The following GUCY1A2 variants were observed in gnomAD, a reference collection of about 807,000 sequenced individuals.
GUCY1A2 encodes guanylate cyclase soluble subunit alpha-2.
A neutral mutation model predicts 63.5 loss-of-function variants in GUCY1A2; 27 were observed. The ratio of observed to expected loss-of-function variants is 0.43; its 90% CI spans 0.31 to 0.59. The LOEUF is 0.59. Ranked by LOEUF, GUCY1A2 falls within the 20% of genes least tolerant of loss-of-function variation. The pLI is 0.11. For synonymous variants in GUCY1A2, 364 were observed against 343.5 expected (o/e 1.06, Z -0.66); for missense variants, 768 against 913.3 (o/e 0.84, Z 2.05).
chr11:106,714,040 ACTC>A (rs1863174232), intron 6 of GUCY1A2, among the ~76,000 whole-genome samples: 1 of 151,374 alleles, frequency 6.6e-6, no homozygotes, highest in African/African-American at 2.4e-5. Flanking sequence ...AAAAAAACAA[ACTC>A]CATACTCCAT....
intron 4 of GUCY1A2, chr11:106,827,251 G>C: frequency 6.5e-7 from 1 of 1,549,334 alleles, no homozygotes; most frequent in Non-Finnish European, 8.9e-7. Flanking sequence ...CCTTCCTTCA[G>C]TTGTATATCT....
chr11:106,894,988 A>G (rs920447855), intron 4 of GUCY1A2, among the ~76,000 whole-genome samples: 10 of 152,214 alleles, frequency 6.6e-5, no homozygotes, highest in African/African-American at 2.4e-4. Flanking sequence ...AAAGGTTAAT[A>G]AAACTAATAA....
At chr11:106,921,780 C>T (rs937635958) in intron 4 of GUCY1A2, among the ~76,000 whole-genome samples, 1 of 152,094 alleles carries the variant, frequency 6.6e-6, no homozygotes, top group Non-Finnish European at 1.5e-5. Context: ...CAAACAAACC[C>T]CTTCCATTTT....
At chr11:107,017,720 C>A (rs769934283) in intron 1 of GUCY1A2, 33 bp downstream of exon 1, 5 of 1,277,132 alleles carry the variant, frequency 3.9e-6, no homozygotes, top group South Asian at 1.8e-5. Flanking sequence ...TTCTCTCCCC[C>A]GAAGGCGGTC....
rs1858648910 is a variant in GUCY1A2 at position 106,804,220 on chromosome 11, T to A, written c.1692+5773A>T. On this transcript the variant is annotated intron_variant, in intron 5 of 7. Coordinates refer to ENST00000526355, the MANE Select transcript of GUCY1A2 (RefSeq NM_000855.3). ...CTTATTTCCTAATTAGAAAACATTG[T>A]TGCTTTGTTTCCAACAAAATATCAG... Among the ~76,000 whole-genome samples, 7 of 152,218 alleles carry A rather than the reference T, an allele frequency of 4.6e-5. No individual in the cohort carries two copies. In the South Asian group the frequency reaches 1.4e-3, roughly 31 times the overall value.
intron 4 of GUCY1A2, among the ~76,000 whole-genome samples, chr11:106,843,118 T>G (rs1859223348): frequency 6.6e-6 from 1 of 151,998 alleles, no homozygotes. Context: ...AAAATTCCCA[T>G]AAGGCTCTGC....
At chr11:106,780,570 A>G (rs1053643522) in intron 5 of GUCY1A2, among the ~76,000 whole-genome samples, 7 of 152,132 alleles carry the variant, frequency 4.6e-5, no homozygotes, top group Admixed American at 1.3e-4. Flanking sequence ...TTCTGACCCA[A>G]TTGTACAGGA....
intron 5 of GUCY1A2, among the ~76,000 whole-genome samples, chr11:106,809,760 G>T (rs1258343818): frequency 1.3e-5 from 2 of 151,534 alleles, no homozygotes; most frequent in Non-Finnish European, 2.9e-5. Flanking sequence ...TAGCTATATA[G>T]AATTTTTCCT....
intron 4 of GUCY1A2, among the ~76,000 whole-genome samples, chr11:106,883,150 T>C (rs1288418140): frequency 6.6e-6 from 1 of 152,030 alleles, no homozygotes; most frequent in Non-Finnish European, 1.5e-5. Context: ...CCACTTAAAT[T>C]CATTCTTTCC....
At chr11:106,709,333 AAT>A (rs77239725) in intron 6 of GUCY1A2, among the ~76,000 whole-genome samples, 5 of 96,474 alleles carry the variant, frequency 5.2e-5, no homozygotes, top group East Asian at 2.6e-4. Flanking sequence ...ATATTATATA[AAT>A]ATATATAAAT....
rs11297661 is a variant in GUCY1A2, at chr11:106,992,325, C to CTT, written c.304-6196_304-6195dup. On this transcript the variant is annotated intron_variant, in intron 1 of 7. Transcript: ENST00000526355. ...ACCCTCTTGTACAAAAAGAATATGT[C>CTT]TTTTTTTTTTTTTTTTTTTTTTGAT... is the stretch of plus-strand genomic sequence containing the variant. 7.7e-4 allele frequency among the ~76,000 whole-genome samples: 88 copies of CTT among 113,754 alleles called. 1 individual carries two copies. Among genetic ancestry groups the CTT allele is most frequent in the Middle Eastern group, 4.9e-3 (1 of 204 alleles). The allele number at this position is 113,754 out of a possible 152,430, so 74.6% of individuals were successfully genotyped here.
At chr11:106,771,464 C>G (rs1056000954) in intron 6 of GUCY1A2, among the ~76,000 whole-genome samples, 1 of 152,076 alleles carries the variant, frequency 6.6e-6, no homozygotes, top group South Asian at 2.1e-4. Flanking sequence ...TTTAAAAATT[C>G]AGTCCTGGCA....
At chr11:106,997,231 A>G (rs1861551194) in intron 1 of GUCY1A2, among the ~76,000 whole-genome samples, 1 of 152,166 alleles carries the variant, frequency 6.6e-6, no homozygotes, top group Admixed American at 6.6e-5. Flanking sequence ...ACCCTTATGC[A>G]TGTAACTATT....
At chr11:106,832,476 G>A (rs1179784393) in intron 4 of GUCY1A2, among the ~76,000 whole-genome samples, 1 of 152,124 alleles carries the variant, frequency 6.6e-6, no homozygotes, top group Non-Finnish European at 1.5e-5. Flanking sequence ...GATGGAGGCT[G>A]AAAGAAATGA....
Position 106,739,689 on chromosome 11 carries a change from A to T in GUCY1A2, c.1837-31023T>A, listed in dbSNP as rs144695157. Among the ~76,000 whole-genome samples, 1,013 of 152,274 alleles carry T rather than the reference A, an allele frequency of 6.7e-3. 12 individuals are homozygous for T. Among genetic ancestry groups the T allele is most frequent in the African/African-American group, 0.022 (919 of 41,548 alleles). On this transcript the variant is annotated intron_variant, in intron 6 of 7. Coordinates refer to ENST00000526355, the MANE Select transcript of GUCY1A2 (RefSeq NM_000855.3). ...TTATCTATAAAACATGTCTTTTAGA[A>T]TTGATTTTCCCTACTTTCTTCATTT...
At chr11:106,719,533 A>AAACAT (rs1863277782) in intron 6 of GUCY1A2, among the ~76,000 whole-genome samples, 1 of 152,194 alleles carries the variant, frequency 6.6e-6, no homozygotes. Flanking sequence ...TTTGATTGTT[A>AAACAT]AACATAATAA....
At chr11:106,830,764 C>T (rs1358302337) in intron 4 of GUCY1A2, among the ~76,000 whole-genome samples, 1 of 152,126 alleles carries the variant, frequency 6.6e-6, no homozygotes, top group Non-Finnish European at 1.5e-5. Flanking sequence ...ATACATTTAT[C>T]CTATTAGTTC....
intron 4 of GUCY1A2, among the ~76,000 whole-genome samples, chr11:106,920,068 A>G (rs1010107819): frequency 2.0e-5 from 3 of 152,156 alleles, no homozygotes; most frequent in Non-Finnish European, 4.4e-5. Flanking sequence ...TCTCTGACAT[A>G]TAATTACATT....
intron 4 of GUCY1A2, among the ~76,000 whole-genome samples, chr11:106,872,464 A>C (rs1859692687): frequency 1.3e-5 from 2 of 152,162 alleles, no homozygotes. Flanking sequence ...GAGCATGATA[A>C]ATAGTTTGAA....
Sources: allele counts gnomAD v4.1 joint callset (sites outside exome capture counted in the v4.1 genomes callset), GRCh38; gene constraint gnomAD v4.1.1; transcripts MANE v1.5; gene names NCBI Gene and HGNC (gene_info 2026-07-23, HGNC 2026-07-21).